Variants in RIC8B observed in about 807,000 individuals in gnomAD.
The protein encoded by RIC8B is RIC8 guanine nucleotide exchange factor B, also known as chaperone Ric-8B.
Under a neutral mutation model 57.5 loss-of-function variants are expected in RIC8B, and 16 were observed. That is an observed-to-expected ratio of 0.28 (90% CI 0.19 to 0.42). RIC8B has a LOEUF of 0.42. Among genes scored for constraint, RIC8B ranks in the 10% least tolerant of loss-of-function variants. The pLI, the probability that RIC8B is intolerant of heterozygous loss-of-function variation, is 1.00. For missense variants in RIC8B, 481 were observed against 677.0 expected (o/e 0.71, Z 3.21); for synonymous variants, 216 against 250.8 (o/e 0.86, Z 1.31).
chr12:106,882,643 T>G (rs1352546002), intron 9 of RIC8B, among the ~76,000 whole-genome samples: 2 of 152,126 alleles, frequency 1.3e-5, no homozygotes, highest in Non-Finnish European at 2.9e-5. Context: ...CAGACAGACT[T>G]CCTGACTCCA....
At chr12:106,848,200 A>G (rs1949294462) in intron 6 of RIC8B, among the ~76,000 whole-genome samples, 1 of 152,206 alleles carries the variant, frequency 6.6e-6, no homozygotes, top group Non-Finnish European at 1.5e-5. Flanking sequence ...GGGCAGAAGG[A>G]GAAGCAAATT....
At chr12:106,874,369 A>G in intron 9 of RIC8B, 1 of 814,112 alleles carries the variant, frequency 1.2e-6, no homozygotes, top group South Asian at 1.5e-5. Context: ...CTTCTCAAAA[A>G]TGAAATGGTT....
At chr12:106,847,575 T>A (rs1949261290) in intron 6 of RIC8B, among the ~76,000 whole-genome samples, 1 of 152,158 alleles carries the variant, frequency 6.6e-6, no homozygotes, top group South Asian at 2.1e-4. Context: ...TTTAGATAGG[T>A]TACTCAATTT....
Position 106,843,856 on chromosome 12 carries a change from G to A in RIC8B, c.1070G>A (p.Ser357Asn). Reference sequence around the variant, plus strand: ...ATATGGTTTTTTTTTTTATAGGGAAGCAGCTATAGAGAGGGTCTAACTCCA... The same window carrying A: ...ATATGGTTTTTTTTTTTATAGGGAAACAGCTATAGAGAGGGTCTAACTCCA... Reference protein sequence around the residue: ...NFMEKRIDKGSSYREGLTPVL... With the variant: ...NFMEKRIDKGNSYREGLTPVL... Residue 357 changes from serine (S) to asparagine (N), a missense_variant, in exon 6 of 10, where the codon AGC (serine) becomes AAC (asparagine). By Grantham distance (46) the Ser-to-Asn change is conservative. Coordinates refer to ENST00000392837, the MANE Select transcript of RIC8B (RefSeq NM_001330145.2). 2.5e-6 allele frequency: 4 copies of A among 1,597,010 alleles called. No homozygotes were observed. Among genetic ancestry groups the A allele is most frequent in the South Asian group, 1.1e-5 (1 of 88,456 alleles).
intron 1 of RIC8B, among the ~76,000 whole-genome samples, chr12:106,782,336 C>T (rs2043804441): frequency 6.6e-6 from 1 of 152,140 alleles, no homozygotes; most frequent in African/African-American, 2.4e-5. Context: ...TTTATGTCTT[C>T]TAATATGTGT....
intron 2 of RIC8B, among the ~76,000 whole-genome samples, chr12:106,798,272 A>G (rs1472142214): frequency 1.3e-5 from 2 of 152,082 alleles, no homozygotes; most frequent in African/African-American, 4.8e-5. Context: ...AAATTTGTAC[A>G]TCTTTGATGT....
chr12:106,874,088 A>G (rs1304266390), intron 9 of RIC8B, among the ~76,000 whole-genome samples: 2 of 152,218 alleles, frequency 1.3e-5, no homozygotes, highest in South Asian at 2.1e-4. Flanking sequence ...TCCTTTTAAC[A>G]GTTTATAAAA....
intron 4 of RIC8B, among the ~76,000 whole-genome samples, chr12:106,836,400 A>G (rs1415457296): frequency 1.3e-5 from 2 of 152,136 alleles, no homozygotes; most frequent in Non-Finnish European, 2.9e-5. Context: ...CTAATTTCCT[A>G]TTAACATCTC....
chr12:106,811,846 A>G (rs1449595079), intron 2 of RIC8B, among the ~76,000 whole-genome samples: 9 of 152,178 alleles, frequency 5.9e-5, no homozygotes, highest in African/African-American at 1.9e-4. Flanking sequence ...TATAGCACAG[A>G]AAAGTACTGA....
chr12:106,777,863 A>G (rs530516309), intron 1 of RIC8B, among the ~76,000 whole-genome samples: 1 of 152,328 alleles, frequency 6.6e-6, no homozygotes, highest in South Asian at 2.1e-4. Context: ...TTACAGTTAT[A>G]ATGACCAGGG....
chr12:106,798,877 G>C (rs1298903663), intron 2 of RIC8B, among the ~76,000 whole-genome samples: 1 of 152,014 alleles, frequency 6.6e-6, no homozygotes, highest in Non-Finnish European at 1.5e-5. Context: ...TTAAATTGCT[G>C]TCTATTGAAA....
At chr12:106,872,599 C>T (rs942980261) in intron 9 of RIC8B, among the ~76,000 whole-genome samples, 1 of 143,776 alleles carries the variant, frequency 7.0e-6, no homozygotes, top group African/African-American at 2.6e-5. Flanking sequence ...ACCTGGGAGG[C>T]GGAGGTTGCG....
chr12:106,794,147 A>C, intron 2 of RIC8B, among the ~76,000 whole-genome samples: 1 of 152,232 alleles, frequency 6.6e-6, no homozygotes, highest in Non-Finnish European at 1.5e-5. Context: ...TCTGGAGTTG[A>C]ATAAAGTACA....
intron 2 of RIC8B, among the ~76,000 whole-genome samples, chr12:106,800,768 T>C (rs1307552553): frequency 2.0e-5 from 3 of 152,110 alleles, no homozygotes; most frequent in Non-Finnish European, 2.9e-5. Context: ...GTGGAGTAGA[T>C]GGCATTGGAG....
chr12:106,782,219 C>T (rs917494794), intron 1 of RIC8B, among the ~76,000 whole-genome samples: 1 of 152,068 alleles, frequency 6.6e-6, no homozygotes, highest in Non-Finnish European at 1.5e-5. Flanking sequence ...TTTTCTTCCA[C>T]TATGTTGGAT....
At chr12:106,837,799 G>A (rs566797994) in intron 4 of RIC8B, among the ~76,000 whole-genome samples, 1 of 152,106 alleles carries the variant, frequency 6.6e-6, no homozygotes, top group East Asian at 1.9e-4. Flanking sequence ...GCGCCAGCAT[G>A]CCTGGCTAAT....
chr12:106,845,175 G>A (rs1949130403), intron 6 of RIC8B, among the ~76,000 whole-genome samples: 1 of 152,066 alleles, frequency 6.6e-6, no homozygotes, highest in Non-Finnish European at 1.5e-5. Flanking sequence ...TAACAAACTG[G>A]CTAACTCCAG....
chr12:106,784,706 A>C (rs892615307), intron 2 of RIC8B, among the ~76,000 whole-genome samples: 1 of 152,174 alleles, frequency 6.6e-6, no homozygotes, highest in African/African-American at 2.4e-5. Flanking sequence ...ATCCCTGGCT[A>C]TACAAATGCC....
At position 106,873,180 on chromosome 12, in the gene RIC8B, A is replaced by G. The variant is rs562495388; in HGVS notation, c.1571+2238A>G. ...CAGCAGATGCCCAACTGAAGGTGAC[A>G]CTGATTTTTGCATGTTTAAAGCAGA... On this transcript the variant is annotated intron_variant, in intron 9 of 9. Coordinates refer to ENST00000392837, the MANE Select transcript of RIC8B (RefSeq NM_001330145.2). The G allele has an allele frequency of 1.4e-4, 134 of 985,406 alleles. No homozygotes were observed. The African/African-American group carries it at 2.3e-3, about 17-fold the overall frequency. The allele number at this position is 985,406 out of a possible 1,614,324, so 61.0% of individuals were successfully genotyped here. A position where few individuals can be genotyped will look rare whatever the true frequency, so the allele number is the denominator to read the frequency against.
Sources: allele counts gnomAD v4.1 joint callset (sites outside exome capture counted in the v4.1 genomes callset), GRCh38; gene constraint gnomAD v4.1.1; transcripts MANE v1.5; gene names NCBI Gene and HGNC (gene_info 2026-07-23, HGNC 2026-07-21).